Variants in LUZP2 observed in about 807,000 individuals in gnomAD.
The protein encoded by LUZP2 is leucine zipper protein 2.
In LUZP2, 52 loss-of-function variants were observed where a neutral mutation model predicts 51.6. The ratio of observed to expected loss-of-function variants is 1.01; its 90% CI spans 0.81 to 1.27. The LOEUF (loss-of-function observed/expected upper bound fraction) is 1.27. Ranked by LOEUF, LUZP2 falls within the 50% of genes most tolerant of loss-of-function variation. The pLI is 0.00. For synonymous variants in LUZP2, 154 were observed against 137.3 expected (o/e 1.12, Z -0.85); for missense variants, 436 against 395.4 (o/e 1.10, Z -0.87).
intron 1 of LUZP2, among the ~76,000 whole-genome samples, chr11:24,504,958 A>G (rs1850105293): frequency 6.6e-6 from 1 of 152,134 alleles, no homozygotes; most frequent in Admixed American, 6.6e-5. Context: ...CCGATAATTT[A>G]ATAACTGAAG....
chr11:25,001,685 A>G (rs1020144173), intron 9 of LUZP2, among the ~76,000 whole-genome samples: 10 of 152,192 alleles, frequency 6.6e-5, no homozygotes, highest in African/African-American at 2.2e-4. Flanking sequence ...TTTACTGCTT[A>G]TATCTCTCTT....
At chr11:24,513,502 A>G (rs1282314355) in intron 1 of LUZP2, among the ~76,000 whole-genome samples, 2 of 152,220 alleles carry the variant, frequency 1.3e-5, no homozygotes, top group Non-Finnish European at 2.9e-5. Flanking sequence ...AAATATCAAT[A>G]GCCACTTTAA....
rs575988944 is a variant in LUZP2 at position 24,975,256 on chromosome 11, T to C, written c.523-1335T>C. 1.2e-3 allele frequency among the ~76,000 whole-genome samples: 187 copies of C among 152,158 alleles called. 1 individual carries two copies. Among genetic ancestry groups the C allele is most frequent in the African/African-American group, 4.1e-3 (169 of 41,528 alleles). On this transcript the variant is annotated intron_variant, in intron 7 of 11. Coordinates refer to ENST00000336930, the MANE Select transcript of LUZP2 (RefSeq NM_001009909.4). ...TTTTTGATTTATATTAAAAGATGAG[T>C]AATATTTGCTGAATTATAAAATTAT...
chr11:24,938,061 C>G (rs1854641457), intron 7 of LUZP2, among the ~76,000 whole-genome samples: 1 of 151,944 alleles, frequency 6.6e-6, no homozygotes, highest in Non-Finnish European at 1.5e-5. Context: ...CAGTTTATCT[C>G]TTTTTATTTT....
At chr11:24,833,005 C>T (rs1453389937) in intron 5 of LUZP2, among the ~76,000 whole-genome samples, 2 of 152,108 alleles carry the variant, frequency 1.3e-5, no homozygotes, top group Non-Finnish European at 2.9e-5. Context: ...ATCACCTAAC[C>T]TCTTTGGGCT....
rs886542612 is a variant in LUZP2, at chr11:24,596,602, A to T, written c.62+99297A>T. ...GGTTAAAGTAGACTGGTGCCTTATA[A>T]CAGAGTGCCTAAAATGACATCTAGA... On this transcript the variant is annotated intron_variant, in intron 1 of 11. Coordinates refer to ENST00000336930, the MANE Select transcript of LUZP2 (RefSeq NM_001009909.4). Among the ~76,000 whole-genome samples the T allele has an allele frequency of 3.3e-5, 5 of 152,318 alleles. No individual in the cohort carries two copies. The East Asian group carries it at 9.6e-4, about 29-fold the overall frequency.
intron 1 of LUZP2, among the ~76,000 whole-genome samples, chr11:24,616,652 C>G (rs909890259): frequency 3.9e-5 from 6 of 152,104 alleles, no homozygotes; most frequent in Admixed American, 2.6e-4. Flanking sequence ...AGTGGTGTTG[C>G]ACAGATCGAT....
intron 5 of LUZP2, chr11:24,891,405 A>G: frequency 1.0e-6 from 1 of 959,982 alleles, no homozygotes; most frequent in Non-Finnish European, 1.2e-6. Context: ...CACATTCATT[A>G]TATCATTATG....
chr11:25,016,177 C>G (rs1158607970), intron 9 of LUZP2, among the ~76,000 whole-genome samples: 2 of 152,034 alleles, frequency 1.3e-5, no homozygotes, highest in Non-Finnish European at 2.9e-5. Context: ...ACTTCGGCCT[C>G]CAAAAGTGCT....
At chr11:24,606,632 TGA>T (rs1853928312) in intron 1 of LUZP2, among the ~76,000 whole-genome samples, 1 of 152,016 alleles carries the variant, frequency 6.6e-6, no homozygotes, top group Non-Finnish European at 1.5e-5. Context: ...GATATTTCTC[TGA>T]GTTAGTGATT....
chr11:24,911,482 TAGTG>T (rs1853633296), intron 6 of LUZP2, among the ~76,000 whole-genome samples: 1 of 152,184 alleles, frequency 6.6e-6, no homozygotes, highest in Admixed American at 6.5e-5. Context: ...GTTCACTTGA[TAGTG>T]AGTGAGTTCT....
chr11:24,608,636 G>A (rs1854015060), intron 1 of LUZP2, among the ~76,000 whole-genome samples: 1 of 152,056 alleles, frequency 6.6e-6, no homozygotes, highest in African/African-American at 2.4e-5. Context: ...TTTAGTCAAG[G>A]GGAAATAACC....
intron 1 of LUZP2, among the ~76,000 whole-genome samples, chr11:24,539,491 G>C (rs1159020613): frequency 3.3e-5 from 5 of 151,918 alleles, no homozygotes; most frequent in Non-Finnish European, 7.4e-5. Context: ...AGGAGGATCA[G>C]ATAGTTTAAG....
At chr11:24,941,651 G>A (rs1402634996) in intron 7 of LUZP2, among the ~76,000 whole-genome samples, 1 of 152,092 alleles carries the variant, frequency 6.6e-6, no homozygotes, top group Non-Finnish European at 1.5e-5. Context: ...ACCATCATTT[G>A]TACTCTTATG....
Position 25,078,649 on chromosome 11 carries a change from A to C in LUZP2, c.1032A>C (p.Lys344Asn). ...AAGGGATGGCAGCTAGAGAAGAAAA[A>C]ATACTGTAAATACTAAGAAACTGTG... ...SFEGMAAREE[K>N]IL Residue 344 changes from lysine (K) to asparagine (N), a missense_variant, in exon 12 of 12, where the codon AAA becomes AAC. Transcript: ENST00000336930. 6.3e-7 allele frequency: 1 copy of C among 1,596,134 alleles called. No homozygotes were observed. Among genetic ancestry groups the C allele is most frequent in the African/African-American group, 1.4e-5 (1 of 73,866 alleles).
chr11:25,039,487 G>A (rs1047136099), intron 9 of LUZP2, among the ~76,000 whole-genome samples: 1 of 152,148 alleles, frequency 6.6e-6, no homozygotes, highest in Non-Finnish European at 1.5e-5. Flanking sequence ...GCAGTTAGCT[G>A]GGGCTAAAGC....
At chr11:24,894,079 C>G in intron 5 of LUZP2, among the ~76,000 whole-genome samples, 1 of 151,876 alleles carries the variant, frequency 6.6e-6, no homozygotes. Context: ...AGATCTAACA[C>G]TGAGTCTAGC....
chr11:24,972,583 C>T (rs1855772754), intron 7 of LUZP2, among the ~76,000 whole-genome samples: 1 of 151,888 alleles, frequency 6.6e-6, no homozygotes, highest in African/African-American at 2.4e-5. Context: ...CAATGTTGTC[C>T]TTCTATTTTT....
rs554146192 is a variant in LUZP2, at chr11:25,080,263, A to T, written c.*1605A>T. The T allele has an allele frequency of 6.6e-6, 1 of 152,304 alleles. No homozygotes were observed. The highest frequency in any genetic ancestry group is 2.1e-4 in the South Asian group (1 of 4,828). 9.4% of individuals were successfully genotyped at this position (152,304 alleles called of 1,614,324 possible). On this transcript the variant is annotated 3_prime_UTR_variant, in exon 12 of 12. Transcript: ENST00000336930. ...GAAATATTCAACACTTTATTATAAA[A>T]TAGGGTTTGTGTTAGACAATTTGCC...
Sources: allele counts gnomAD v4.1 joint callset (sites outside exome capture counted in the v4.1 genomes callset), GRCh38; gene constraint gnomAD v4.1.1; transcripts MANE v1.5; gene names NCBI Gene and HGNC (gene_info 2026-07-23, HGNC 2026-07-21).